The following SLC35F3 variants were observed in gnomAD, a reference collection of about 807,000 sequenced individuals.
The protein encoded by SLC35F3 is putative thiamine transporter SLC35F3.
In SLC35F3, 25 loss-of-function variants were observed where a neutral mutation model predicts 49.9. The observed-to-expected ratio is 0.50, with a 90% CI of 0.37 to 0.70. SLC35F3 has a LOEUF of 0.70. Among genes scored for constraint, SLC35F3 ranks in the 30% least tolerant of loss-of-function variants. The pLI is 0.00. For synonymous variants in SLC35F3, 275 were observed against 265.4 expected (o/e 1.04, Z -0.35); for missense variants, 525 against 639.8 (o/e 0.82, Z 1.94).
intron 3 of SLC35F3, among the ~76,000 whole-genome samples, chr1:234,255,424 C>T (rs1667805457): frequency 6.6e-6 from 1 of 152,174 alleles, no homozygotes; most frequent in Non-Finnish European, 1.5e-5. Context: ...ATAGCACAGC[C>T]ACTTTAGAAA....
chr1:234,145,539 C>T (rs1665983681), intron 2 of SLC35F3, among the ~76,000 whole-genome samples: 3 of 152,164 alleles, frequency 2.0e-5, no homozygotes, highest in Middle Eastern at 3.4e-3. Flanking sequence ...ATCCATGAGC[C>T]GTGGACTCCA....
At chr1:234,297,567 A>G (rs565948860) in intron 3 of SLC35F3, among the ~76,000 whole-genome samples, 2 of 152,286 alleles carry the variant, frequency 1.3e-5, no homozygotes, top group South Asian at 4.1e-4. Context: ...TCTCACTAAT[A>G]TAAGGGAATA....
At chr1:234,149,022 C>G (rs1439289263) in intron 2 of SLC35F3, among the ~76,000 whole-genome samples, 1 of 152,114 alleles carries the variant, frequency 6.6e-6, no homozygotes, top group African/African-American at 2.4e-5. Context: ...ACTTAGTCAT[C>G]CAAGTGAAGA....
chr1:234,108,728 TATATATATC>T (rs1665345706), intron 2 of SLC35F3, among the ~76,000 whole-genome samples: 6 of 46,888 alleles, frequency 1.3e-4, no homozygotes, highest in African/African-American at 3.1e-4. Flanking sequence ...TATATATAAA[TATATATATC>T]TTTTATATAT....
At chr1:234,096,154 C>CT (rs1277699281) in intron 2 of SLC35F3, among the ~76,000 whole-genome samples, 1 of 152,184 alleles carries the variant, frequency 6.6e-6, no homozygotes, top group Non-Finnish European at 1.5e-5. Context: ...TAAATATTTC[C>CT]TTTTCTCCCC....
intron 2 of SLC35F3, among the ~76,000 whole-genome samples, chr1:233,999,446 T>A (rs1307070468): frequency 1.3e-5 from 2 of 152,196 alleles, no homozygotes; most frequent in South Asian, 2.1e-4. Flanking sequence ...GGGCTCCTTA[T>A]TTCCTGGAAG....
intron 3 of SLC35F3, among the ~76,000 whole-genome samples, chr1:234,262,422 C>A (rs186979139): frequency 2.0e-5 from 3 of 152,152 alleles, no homozygotes; most frequent in Non-Finnish European, 4.4e-5. Context: ...TTAATGAAAG[C>A]CCTCTCCAGT....
At chr1:233,947,478 T>G (rs1451646212) in intron 2 of SLC35F3, among the ~76,000 whole-genome samples, 1 of 150,916 alleles carries the variant, frequency 6.6e-6, no homozygotes, top group Non-Finnish European at 1.5e-5. Context: ...AGCCCCATCT[T>G]CGATCCTGCT....
chr1:233,990,749 A>T (rs112666209), intron 2 of SLC35F3, among the ~76,000 whole-genome samples: 16 of 152,372 alleles, frequency 1.1e-4, no homozygotes, highest in African/African-American at 3.8e-4. Context: ...TCACATTTTA[A>T]AATGTGTCAA....
rs111606250 is a variant in SLC35F3 at position 234,297,985 on chromosome 1, CA to C, written c.609-11109del. On this transcript the variant is annotated intron_variant, in intron 3 of 7. Coordinates refer to ENST00000366618, the MANE Select transcript of SLC35F3 (RefSeq NM_173508.4). ...ATGTTAAGTGTTCTTAACACACACA[CA>C]AAAAAAGAGGGCTGAGGCAACTTTG... Among the ~76,000 whole-genome samples the C allele has an allele frequency of 1.2e-3, 187 of 152,022 alleles. 3 individuals are homozygous for C. The East Asian group carries it at 0.033, about 27-fold the overall frequency.
chr1:234,029,122 C>G (rs769222815), intron 2 of SLC35F3, among the ~76,000 whole-genome samples: 4 of 152,156 alleles, frequency 2.6e-5, no homozygotes, highest in Non-Finnish European at 4.4e-5. Flanking sequence ...GCCCAGTGAG[C>G]TTGGGGCTGG....
chr1:233,926,358 C>A (rs1233465245), intron 2 of SLC35F3, among the ~76,000 whole-genome samples: 1 of 152,112 alleles, frequency 6.6e-6, no homozygotes, highest in Non-Finnish European at 1.5e-5. Context: ...CTCTAAACTT[C>A]TCTTCTTGCT....
chr1:234,019,556 T>G (rs1482624940), intron 2 of SLC35F3, among the ~76,000 whole-genome samples: 1 of 152,182 alleles, frequency 6.6e-6, no homozygotes, highest in Non-Finnish European at 1.5e-5. Flanking sequence ...AGGGGTTTTT[T>G]TCCTCAAGGC....
At chr1:234,257,976 G>A (rs1667848010) in intron 3 of SLC35F3, among the ~76,000 whole-genome samples, 1 of 152,330 alleles carries the variant, frequency 6.6e-6, no homozygotes, top group African/African-American at 2.4e-5. Flanking sequence ...CCTTGGTTTT[G>A]TAATCACCTG....
chr1:234,320,261 C>T lies in SLC35F3; in HGVS notation c.1237+74C>T. The stretch of plus-strand genomic sequence containing the variant: ...TCACCTACTCACACACACATACACA[C>T]ACTCATGCATACATACACACTCACA... On this transcript the variant is annotated intron_variant, in intron 7 of 7. Coordinates refer to ENST00000366618, the MANE Select transcript of SLC35F3 (RefSeq NM_173508.4). This position sits in a 1 kb window ranked among gnomAD's most constrained non-coding sequence, Gnocchi z 4.8. 9.7e-7 allele frequency: 1 copy of T among 1,028,350 alleles called. No homozygotes were observed. Among genetic ancestry groups the T allele is most frequent in the Non-Finnish European group, 1.5e-6 (1 of 652,580 alleles). 63.7% of individuals were successfully genotyped at this position (1,028,350 alleles called of 1,614,324 possible). A position where few individuals can be genotyped will look rare whatever the true frequency, so the allele number is the denominator to read the frequency against.
intron 2 of SLC35F3, among the ~76,000 whole-genome samples, chr1:234,071,499 A>C (rs1239164753): frequency 6.6e-6 from 1 of 152,124 alleles, no homozygotes; most frequent in Non-Finnish European, 1.5e-5. Context: ...GACCAAATTC[A>C]TGTGTTTCCA....
intron 3 of SLC35F3, among the ~76,000 whole-genome samples, chr1:234,254,618 G>C (rs573789980): frequency 6.6e-6 from 1 of 152,248 alleles, no homozygotes; most frequent in Non-Finnish European, 1.5e-5. Context: ...TAATAAAAAG[G>C]CTTGCAAACA....
In SLC35F3 at chr1:234,046,210, A is replaced by G. The variant is rs1664290132; in HGVS notation, c.283+140452A>G. 6.6e-6 allele frequency among the ~76,000 whole-genome samples: 1 copy of G among 152,184 alleles called. No individual in the cohort carries two copies. The highest frequency in any genetic ancestry group is 2.4e-5 in the African/African-American group (1 of 41,460). ...TATTTGGCTTTTAAGAGCATGTTAC[A>G]CCAAATTAAATTTATTCTAGAAATG... On this transcript the variant is annotated intron_variant, in intron 2 of 7. Coordinates refer to ENST00000366618, the MANE Select transcript of SLC35F3 (RefSeq NM_173508.4). This position sits in a 1 kb window ranked among gnomAD's most constrained non-coding sequence, Gnocchi z 4.4.
At chr1:234,003,717 G>A (rs1481441321) in intron 2 of SLC35F3, among the ~76,000 whole-genome samples, 1 of 152,164 alleles carries the variant, frequency 6.6e-6, no homozygotes, top group Non-Finnish European at 1.5e-5. Context: ...TCCAGGCTAA[G>A]GGAAGTTGTC....
Sources: gnomAD v4.1 joint callset for allele counts (sites outside exome capture counted in the v4.1 genomes callset) on GRCh38, gnomAD v4.1.1 for gene constraint, Gnocchi (gnomAD v3.1) non-coding constraint, MANE v1.5 for transcripts, NCBI Gene and HGNC (gene_info 2026-07-23, HGNC 2026-07-21) for gene names.